The following POU6F2 variants were observed in gnomAD, a reference collection of about 807,000 sequenced individuals.
POU6F2 encodes POU class 6 homeobox 2, also known as POU domain, class 6, transcription factor 2.
In POU6F2, 31 loss-of-function variants were observed where a neutral mutation model predicts 71.3. The observed-to-expected ratio is 0.43, with a 90% CI of 0.33 to 0.59. The LOEUF (loss-of-function observed/expected upper bound fraction) is 0.59. POU6F2 is among the 20% of genes least tolerant of loss of function. The probability of loss-of-function intolerance (pLI) is 0.04; values close to 1 mark genes in which losing one functional copy is unlikely to be tolerated. For missense variants in POU6F2, 783 were observed against 856.8 expected (o/e 0.91, Z 1.07); for synonymous variants, 347 against 355.7 (o/e 0.98, Z 0.27).
chr7:38,987,839 T>C (rs566165060), intron 1 of POU6F2, among the ~76,000 whole-genome samples: 4 of 151,220 alleles, frequency 2.6e-5, no homozygotes, highest in African/African-American at 9.7e-5. Context: ...AAGATGGGAG[T>C]GTGAGCTGAC....
At chr7:39,286,656 T>C (rs1784656173) in intron 4 of POU6F2, among the ~76,000 whole-genome samples, 1 of 152,238 alleles carries the variant, frequency 6.6e-6, no homozygotes, top group Non-Finnish European at 1.5e-5. Context: ...TGTGAAACTT[T>C]CATTCCTTGG....
chr7:39,117,619 G>T (rs1791958294), intron 2 of POU6F2, among the ~76,000 whole-genome samples: 1 of 152,152 alleles, frequency 6.6e-6, no homozygotes, highest in African/African-American at 2.4e-5. Context: ...CTTACTGCAG[G>T]CAGGAGGAGA....
chr7:39,451,800 CTCTT>C, intron 8 of POU6F2, 99 bp downstream of exon 8: 1 of 1,378,478 alleles, frequency 7.3e-7, no homozygotes, highest in Non-Finnish European at 1.0e-6. Flanking sequence ...CTCTTGCTCT[CTCTT>C]TCTCTCAACC....
intron 9 of POU6F2, among the ~76,000 whole-genome samples, chr7:39,462,426 G>A (rs1350030507): frequency 6.6e-6 from 1 of 152,144 alleles, no homozygotes; most frequent in Non-Finnish European, 1.5e-5. Flanking sequence ...GCACACTCAG[G>A]CATCGCTTGT....
chr7:39,125,275 G>A (rs889745292), intron 2 of POU6F2, among the ~76,000 whole-genome samples: 1 of 152,168 alleles, frequency 6.6e-6, no homozygotes, highest in Non-Finnish European at 1.5e-5. Flanking sequence ...TTAGCAGAAA[G>A]ATTCCTATAC....
intron 1 of POU6F2, among the ~76,000 whole-genome samples, chr7:39,015,908 T>A (rs1410537262): frequency 2.2e-5 from 1 of 46,226 alleles, no homozygotes; most frequent in African/African-American, 9.3e-5. Flanking sequence ...TAGATATATA[T>A]TATATATTAT....
At chr7:39,043,370 TTC>T (rs1790228660) in intron 1 of POU6F2, among the ~76,000 whole-genome samples, 1 of 151,956 alleles carries the variant, frequency 6.6e-6, no homozygotes, top group Non-Finnish European at 1.5e-5. Flanking sequence ...TGTGACATTA[TTC>T]TCTGTCTATA....
rs1160780997 is a variant in POU6F2, at chr7:39,464,595, T to G, written c.2072T>G (p.Leu691Arg). The change falls in exon 10 of 10, where the codon CTG becomes CGG. Residue 691 changes from leucine (L) to arginine (R), a missense_variant. Leu to Arg is a moderately radical substitution (Grantham distance 102). Transcript: ENST00000518318. This position sits in a 1 kb window ranked among gnomAD's most constrained non-coding sequence, Gnocchi z 4.1. ...RVWFCNKRQA[L>R]KNTIKRLKQH... is the part of the protein sequence containing the mutation. ...TGGTTCTGCAATAAGAGGCAAGCCC[T>G]GAAGAACACAATTAAACGCTTAAAA... 1 of 1,611,574 alleles carries G rather than the reference T, an allele frequency of 6.2e-7. No individual in the cohort carries two copies. Among genetic ancestry groups the G allele is most frequent in the Admixed American group, 1.7e-5 (1 of 59,646 alleles).
intron 6 of POU6F2, among the ~76,000 whole-genome samples, chr7:39,416,697 A>AT (rs746296254): frequency 6.6e-6 from 1 of 152,228 alleles, no homozygotes; most frequent in Non-Finnish European, 1.5e-5. Flanking sequence ...GACACCACTG[A>AT]TTTTAAATTA....
chr7:39,349,302 T>G (rs766145173), intron 5 of POU6F2, among the ~76,000 whole-genome samples: 1 of 152,154 alleles, frequency 6.6e-6, no homozygotes, highest in Non-Finnish European at 1.5e-5. Flanking sequence ...CTCTTCCAGA[T>G]AGTCCTCCCT....
Position 39,460,729 on chromosome 7 carries a change from G to C in POU6F2, c.1658+14G>C, listed in dbSNP as rs1472137837. ...GGCCATCTGCAGGTAACGCGCGCCT[G>C]CATGCTGTCACCTCTTCTAGCCGCC... On this transcript the variant is annotated intron_variant, in intron 9 of 9. Transcript: ENST00000518318. This position sits in a 1 kb window ranked among gnomAD's most constrained non-coding sequence, Gnocchi z 4.4. 6.4e-7 allele frequency: 1 copy of C among 1,571,152 alleles called. No individual in the cohort carries two copies.
intron 4 of POU6F2, among the ~76,000 whole-genome samples, chr7:39,297,184 CACACAT>C (rs1208397761): frequency 3.6e-5 from 4 of 111,352 alleles, no homozygotes; most frequent in Admixed American, 1.7e-4. Flanking sequence ...TGTTTACAAA[CACACAT>C]ACACATACAC....
intron 2 of POU6F2, among the ~76,000 whole-genome samples, chr7:39,109,724 A>C (rs899639677): frequency 6.6e-6 from 1 of 152,216 alleles, no homozygotes; most frequent in African/African-American, 2.4e-5. Flanking sequence ...GAAAATGTAA[A>C]TCGTATAGGT....
At chr7:39,079,923 C>T (rs1442764027) in intron 1 of POU6F2, among the ~76,000 whole-genome samples, 1 of 151,922 alleles carries the variant, frequency 6.6e-6, no homozygotes, top group African/African-American at 2.4e-5. Context: ...GGATTTTCCA[C>T]TTTTTTTCCA....
At chr7:39,230,615 C>A (rs534480356) in intron 4 of POU6F2, among the ~76,000 whole-genome samples, 1 of 152,026 alleles carries the variant, frequency 6.6e-6, no homozygotes, top group South Asian at 2.1e-4. Context: ...CCTCTAAATA[C>A]GTCTCCTTCC....
chr7:39,116,164 C>G (rs907070142), intron 2 of POU6F2, among the ~76,000 whole-genome samples: 1 of 152,246 alleles, frequency 6.6e-6, no homozygotes, highest in East Asian at 1.9e-4. Context: ...ATGGAAGGAT[C>G]GCTTGAGCCC....
intron 5 of POU6F2, among the ~76,000 whole-genome samples, chr7:39,345,231 C>T (rs6962623): frequency 0.3 from 45,973 of 152,000 alleles, 7,029 homozygotes; most frequent in South Asian, 0.41. Context: ...TTGATTACTA[C>T]GTTTCTGGAC....
chr7:39,030,159 T>C (rs1299840903), intron 1 of POU6F2, among the ~76,000 whole-genome samples: 2 of 152,064 alleles, frequency 1.3e-5, no homozygotes, highest in African/African-American at 4.8e-5. Context: ...TGTGTGTTTG[T>C]ATGTGAAGTC....
At chr7:39,231,974 G>A (rs928618933) in intron 4 of POU6F2, among the ~76,000 whole-genome samples, 4 of 152,018 alleles carry the variant, frequency 2.6e-5, no homozygotes, top group African/African-American at 2.4e-5. Flanking sequence ...ATTGTGTTAC[G>A]AATAAATGAT....
Sources: allele counts gnomAD v4.1 joint callset (sites outside exome capture counted in the v4.1 genomes callset), GRCh38; gene constraint gnomAD v4.1.1; non-coding constraint Gnocchi (gnomAD v3.1); transcripts MANE v1.5; gene names NCBI Gene and HGNC (gene_info 2026-07-23, HGNC 2026-07-21).